SNTG2: variants seen among roughly 807,000 people sequenced by gnomAD.
SNTG2 encodes gamma-2-syntrophin.
In SNTG2, 74 loss-of-function variants were observed where a neutral mutation model predicts 70.9. The ratio of observed to expected loss-of-function variants is 1.04; its 90% CI spans 0.86 to 1.27. The LOEUF (loss-of-function observed/expected upper bound fraction) is 1.27, where lower values mean the gene tolerates loss of function less well. Among genes scored for constraint, SNTG2 ranks in the 50% most tolerant of loss-of-function variants. SNTG2 has a pLI of 0.00. For synonymous variants in SNTG2, 278 were observed against 273.8 expected, an observed-to-expected ratio of 1.02 and a Z score of -0.15; for missense variants, 717 against 690.7, an observed-to-expected ratio of 1.04 and a Z score of -0.43.
In SNTG2 at chr2:1,188,979, C is replaced by T. The variant is rs956824223; in HGVS notation, c.591+15796C>T. Reference sequence around the variant, plus strand: ...ATATTGAAATGGAGGTTCTGATAAGCACACTATGACAAGAAAAAACAACAA... The same window carrying T: ...ATATTGAAATGGAGGTTCTGATAAGTACACTATGACAAGAAAAAACAACAA... On this transcript the variant is annotated intron_variant, in intron 8 of 16. Coordinates refer to ENST00000308624, the MANE Select transcript of SNTG2 (RefSeq NM_018968.4). Among the ~76,000 whole-genome samples the T allele has an allele frequency of 3.3e-5, 5 of 152,056 alleles. No individual in the cohort carries two copies. In the South Asian group the frequency reaches 6.2e-4, roughly 19 times the overall value.
At chr2:1,238,240 T>G (rs2148107294) in intron 10 of SNTG2, among the ~76,000 whole-genome samples, 1 of 152,100 alleles carries the variant, frequency 6.6e-6, no homozygotes, top group South Asian at 2.1e-4. Flanking sequence ...TCCCATCTGG[T>G]TTTGTCTTCC....
chr2:1,210,147 G>T (rs1673942914), intron 9 of SNTG2, among the ~76,000 whole-genome samples: 1 of 152,204 alleles, frequency 6.6e-6, no homozygotes, highest in Admixed American at 6.6e-5. Context: ...GGTATTAGCT[G>T]TACAGCCTCT....
At chr2:1,260,649 T>A (rs1678365404) in intron 13 of SNTG2, among the ~76,000 whole-genome samples, 1 of 152,222 alleles carries the variant, frequency 6.6e-6, no homozygotes, top group Non-Finnish European at 1.5e-5. Flanking sequence ...ATTTTAAAAA[T>A]TATTCTGTTT....
intron 15 of SNTG2, 94 bp from the exon 16 acceptor site, chr2:1,316,171 T>C (rs1250039554): frequency 1.6e-6 from 1 of 612,192 alleles, no homozygotes; most frequent in Non-Finnish European, 2.9e-6. Context: ...TGAATGTCTG[T>C]TGATTTAACG....
At chr2:1,218,198 T>C (rs965007912) in intron 9 of SNTG2, among the ~76,000 whole-genome samples, 1 of 152,128 alleles carries the variant, frequency 6.6e-6, no homozygotes, top group African/African-American at 2.4e-5. Flanking sequence ...CTCTGACCTC[T>C]AGACCCAGAC....
chr2:1,138,148 G>A (rs1668514036), intron 6 of SNTG2, among the ~76,000 whole-genome samples: 1 of 152,222 alleles, frequency 6.6e-6, no homozygotes, highest in African/African-American at 2.4e-5. Flanking sequence ...GAGCACAGGA[G>A]GTGTCAGGGC....
intron 1 of SNTG2, among the ~76,000 whole-genome samples, chr2:1,049,967 T>C (rs1248695270): frequency 1.3e-5 from 2 of 152,242 alleles, no homozygotes; most frequent in African/African-American, 4.8e-5. Flanking sequence ...TTCAGATCTT[T>C]GCAGACTTTG....
At chr2:995,910 A>G (rs1661665744) in intron 1 of SNTG2, among the ~76,000 whole-genome samples, 1 of 152,204 alleles carries the variant, frequency 6.6e-6, no homozygotes, top group Non-Finnish European at 1.5e-5. Context: ...GTTGGCAAAC[A>G]GCTCCAAATT....
At chr2:1,314,223 G>A (rs906055588) in intron 15 of SNTG2, among the ~76,000 whole-genome samples, 6 of 151,868 alleles carry the variant, frequency 4.0e-5, no homozygotes, top group African/African-American at 1.4e-4. Context: ...AGAGTCGTTT[G>A]TTGCTTATTT....
intron 4 of SNTG2, among the ~76,000 whole-genome samples, chr2:1,127,690 G>T (rs1235811153): frequency 6.6e-6 from 1 of 151,614 alleles, no homozygotes; most frequent in Non-Finnish European, 1.5e-5. Flanking sequence ...TATTCCAAGG[G>T]GTGTGTGTGT....
chr2:1,090,906 C>G (rs1422731089), intron 2 of SNTG2, among the ~76,000 whole-genome samples: 1 of 152,190 alleles, frequency 6.6e-6, no homozygotes, highest in Non-Finnish European at 1.5e-5. Flanking sequence ...TATCGGGAAG[C>G]TGCTTATCTC....
intron 7 of SNTG2, among the ~76,000 whole-genome samples, chr2:1,167,184 C>T (rs1670769199): frequency 6.6e-6 from 1 of 152,050 alleles, no homozygotes; most frequent in Admixed American, 6.5e-5. Flanking sequence ...GATGGCAGAA[C>T]TGAAACCTAC....
intron 14 of SNTG2, among the ~76,000 whole-genome samples, chr2:1,280,367 T>A (rs1679462525): frequency 6.6e-6 from 1 of 152,230 alleles, no homozygotes; most frequent in African/African-American, 2.4e-5. Flanking sequence ...ATTTACCTCA[T>A]CTCTTTCAGA....
intron 4 of SNTG2, among the ~76,000 whole-genome samples, chr2:1,119,218 T>TA (rs543150400): frequency 6.9e-4 from 105 of 151,786 alleles, no homozygotes; most frequent in Admixed American, 2.9e-3. Flanking sequence ...CTTTCCTAGA[T>TA]AAAAAAAAGA....
intron 1 of SNTG2, among the ~76,000 whole-genome samples, chr2:989,274 CAA>C (rs1661420918): frequency 6.6e-6 from 1 of 152,078 alleles, no homozygotes; most frequent in Non-Finnish European, 1.5e-5. Flanking sequence ...GTTAAAAAGA[CAA>C]GAGAGGGGAG....
intron 2 of SNTG2, among the ~76,000 whole-genome samples, chr2:1,090,983 A>G (rs1664983802): frequency 1.3e-5 from 2 of 152,122 alleles, no homozygotes. Flanking sequence ...CCCAATGATC[A>G]TTTTAGAGAG....
intron 15 of SNTG2, among the ~76,000 whole-genome samples, chr2:1,312,149 C>A (rs1040741868): frequency 3.9e-5 from 6 of 152,094 alleles, no homozygotes; most frequent in South Asian, 4.2e-4. Context: ...AAAATATTTT[C>A]TGCACTTACA....
intron 16 of SNTG2, among the ~76,000 whole-genome samples, chr2:1,327,983 C>T (rs763890615): frequency 1.3e-5 from 2 of 152,084 alleles, no homozygotes; most frequent in African/African-American, 2.4e-5. Context: ...GGCATCTAGT[C>T]GCTTCTGGGG....
intron 1 of SNTG2, among the ~76,000 whole-genome samples, chr2:1,081,064 A>G (rs1310280606): frequency 3.3e-5 from 5 of 152,060 alleles, no homozygotes; most frequent in Non-Finnish European, 7.4e-5. Flanking sequence ...CCCAAGCCTC[A>G]GGGCCCTTCT....
Sources: gnomAD v4.1 joint callset for allele counts (sites outside exome capture counted in the v4.1 genomes callset) on GRCh38, gnomAD v4.1.1 for gene constraint, MANE v1.5 for transcripts, NCBI Gene and HGNC (gene_info 2026-07-23, HGNC 2026-07-21) for gene names.